The following DNAH6 variants were observed in gnomAD, a reference collection of about 807,000 sequenced individuals.
The protein encoded by DNAH6 is axonemal beta dynein heavy chain 6.
Under a neutral mutation model 491.4 loss-of-function variants are expected in DNAH6, and 340 were observed. The ratio of observed to expected loss-of-function variants is 0.69; its 90% CI spans 0.63 to 0.76. The LOEUF (loss-of-function observed/expected upper bound fraction) is 0.76. DNAH6 is among the 30% of genes least tolerant of loss of function. The pLI is 0.00. For synonymous variants in DNAH6, 1,603 were observed against 1,686.1 expected (o/e 0.95, Z 1.21); for missense variants, 4,443 against 4,972.2 (o/e 0.89, Z 3.20).
chr2:84,661,766 AT>A (rs1332251475), intron 37 of DNAH6, among the ~76,000 whole-genome samples: 1 of 151,758 alleles, frequency 6.6e-6, no homozygotes, highest in Non-Finnish European at 1.5e-5. Context: ...ATCCCAACAG[AT>A]TTTTTCCATG....
intron 37 of DNAH6, among the ~76,000 whole-genome samples, chr2:84,669,010 C>T (rs74920745): frequency 0.029 from 4,350 of 152,194 alleles, 225 homozygotes; most frequent in African/African-American, 0.099. Flanking sequence ...TTTGGCATGG[C>T]GTAAGCCCTG....
chr2:84,543,310 G>C (rs1678448013), intron 4 of DNAH6, among the ~76,000 whole-genome samples: 1 of 152,188 alleles, frequency 6.6e-6, no homozygotes, highest in African/African-American at 2.4e-5. Context: ...GTACATGTAA[G>C]TTTTGCATAG....
chr2:84,573,932 T>C (rs1682164032), intron 12 of DNAH6, among the ~76,000 whole-genome samples: 1 of 152,206 alleles, frequency 6.6e-6, no homozygotes, highest in Admixed American at 6.5e-5. Context: ...AAATAAAGTT[T>C]ACATAAGCTT....
chr2:84,548,226 T>C lies in DNAH6; in HGVS notation c.1187-62T>C, dbSNP rs1261264922. On this transcript the variant is annotated intron_variant, in intron 7 of 76. Coordinates refer to ENST00000389394, the MANE Select transcript of DNAH6 (RefSeq NM_001370.2). Reference sequence around the variant, plus strand: ...TTTTGTTTATCTTTTCTTTGAATCATATTGAAAGAGATGGAACTTTTACAC... The same window carrying C: ...TTTTGTTTATCTTTTCTTTGAATCACATTGAAAGAGATGGAACTTTTACAC... 13 of 1,481,900 alleles carry C rather than the reference T, an allele frequency of 8.8e-6. No individual in the cohort carries two copies. The East Asian group carries it at 1.6e-4, about 19-fold the overall frequency. 91.8% of individuals were successfully genotyped at this position (1,481,900 alleles called of 1,614,324 possible).
rs560521865 is a variant in DNAH6 at position 84,597,563 on chromosome 2, T to A, written c.2868+1774T>A. 5.6e-4 allele frequency among the ~76,000 whole-genome samples: 86 copies of A among 152,362 alleles called. 3 individuals carry two copies. In the South Asian group the frequency reaches 0.017, roughly 31 times the overall value. ...AAATAATCTGGCAGTTTGTTCAAGA[T>A]GTTAAATATAGACCTACCATATTAC... On this transcript the variant is annotated intron_variant, in intron 18 of 76. Transcript: ENST00000389394.
rs572481666 is a variant in DNAH6 at position 84,700,043 on chromosome 2, A to G, written c.7818+309A>G. Among the ~76,000 whole-genome samples the G allele has an allele frequency of 1.2e-4, 18 of 152,318 alleles. 1 individual carries two copies. The South Asian group carries it at 2.1e-3, about 18-fold the overall frequency. ...AAATCTGAGTCAGTGGTTATAGGCA[A>G]CACTTTTGAGTTTTGCCCCAAAGGA... On this transcript the variant is annotated intron_variant, in intron 48 of 76. Coordinates refer to ENST00000389394, the MANE Select transcript of DNAH6 (RefSeq NM_001370.2).
chr2:84,695,455 G>A (rs1453791777), intron 46 of DNAH6, among the ~76,000 whole-genome samples: 1 of 152,010 alleles, frequency 6.6e-6, no homozygotes, highest in African/African-American at 2.4e-5. Flanking sequence ...GCAATATGTA[G>A]GTAAAGCCTT....
chr2:84,646,847 A>AT lies in DNAH6; in HGVS notation c.5078+4800dup, dbSNP rs979841064. ...TTCTTATAGATTAGCAAAGAAAGTC[A>AT]TTTTTTTGTTTGTTTGCTTTGAGAT... On this transcript the variant is annotated intron_variant, in intron 33 of 76. Transcript: ENST00000389394. Among the ~76,000 whole-genome samples, 4 of 152,114 alleles carry AT rather than the reference A, an allele frequency of 2.6e-5. No homozygotes were observed. The East Asian group carries it at 7.7e-4, about 29-fold the overall frequency.
chr2:84,748,847 C>T (rs1673199268), intron 63 of DNAH6, among the ~76,000 whole-genome samples: 2 of 152,200 alleles, frequency 1.3e-5, no homozygotes, highest in Admixed American at 1.3e-4. Flanking sequence ...ATTGGGCTCA[C>T]AGTTCTGCAA....
chr2:84,709,460 C>G lies in DNAH6; in HGVS notation c.9166C>G (p.Leu3056Val). 1 of 1,551,668 alleles carries G rather than the reference C, an allele frequency of 6.4e-7. No individual in the cohort carries two copies. Among genetic ancestry groups the G allele is most frequent in the Non-Finnish European group, 8.7e-7 (1 of 1,147,018 alleles). Reference protein sequence around the residue: ...YEIRQWNTDGLPRDLISTENG... With the variant: ...YEIRQWNTDGVPRDLISTENG... ...GATACGGCAGTGGAACACTGATGGG[C>G]TGCCCCGTGACTTGATATCAACAGA... The change falls in exon 55 of 77, where the codon CTG becomes GTG. Residue 3056 changes from leucine to valine, a missense_variant. Coordinates refer to ENST00000389394, the MANE Select transcript of DNAH6 (RefSeq NM_001370.2).
At chr2:84,717,630 A>C (rs1217291777) in intron 58 of DNAH6, among the ~76,000 whole-genome samples, 1 of 152,216 alleles carries the variant, frequency 6.6e-6, no homozygotes, top group East Asian at 1.9e-4. Flanking sequence ...GGTGCATTGC[A>C]TAGAGTAGTA....
chr2:84,635,698 C>T (rs1024610371), intron 30 of DNAH6, among the ~76,000 whole-genome samples: 1 of 152,116 alleles, frequency 6.6e-6, no homozygotes, highest in Admixed American at 6.5e-5. Context: ...TAACCAGCCT[C>T]GTCCTGAAGC....
chr2:84,737,110 G>C (rs963141526), intron 62 of DNAH6, among the ~76,000 whole-genome samples: 5 of 151,990 alleles, frequency 3.3e-5, no homozygotes, highest in Non-Finnish European at 5.9e-5. Flanking sequence ...TTTTAGTCCT[G>C]TTTATGAGGT....
the DNAH6 span, among the ~76,000 whole-genome samples, chr2:84,509,144 A>T: frequency 6.6e-6 from 1 of 152,108 alleles, no homozygotes; most frequent in Non-Finnish European, 1.5e-5. Context: ...TGTCTCGTTC[A>T]TCTGTCTAAT....
chr2:84,664,233 A>G (rs953432251), intron 37 of DNAH6, among the ~76,000 whole-genome samples: 2 of 152,320 alleles, frequency 1.3e-5, no homozygotes, highest in South Asian at 2.1e-4. Flanking sequence ...GACAGGGTCA[A>G]ATTCACACAT....
At chr2:84,745,313 T>G in intron 63 of DNAH6, 64 bp downstream of exon 63, 2 of 1,183,996 alleles carry the variant, frequency 1.7e-6, no homozygotes. Context: ...CACTAGCCAG[T>G]TATGATTTAT....
chr2:84,685,272 A>C, intron 42 of DNAH6, 54 bp from the exon 43 acceptor site: 1 of 1,288,014 alleles, frequency 7.8e-7, no homozygotes, highest in Middle Eastern at 2.8e-4. Flanking sequence ...CTATTACTGG[A>C]GATTCTACAA....
intron 65 of DNAH6, 44 bp from the exon 66 acceptor site, chr2:84,784,678 C>A (rs1573801427): frequency 1.5e-6 from 2 of 1,293,578 alleles, no homozygotes; most frequent in Non-Finnish European, 2.2e-6. Flanking sequence ...CTACTACCAA[C>A]TAAACATTTT....
intron 33 of DNAH6, among the ~76,000 whole-genome samples, chr2:84,645,114 G>A (rs190701180): frequency 9.3e-5 from 14 of 151,300 alleles, no homozygotes; most frequent in Middle Eastern, 3.4e-3. Flanking sequence ...GTTTTTTTTC[G>A]ACTTTTTAGT....
Sources: allele counts gnomAD v4.1 joint callset (sites outside exome capture counted in the v4.1 genomes callset), GRCh38; gene constraint gnomAD v4.1.1; transcripts MANE v1.5; gene names NCBI Gene and HGNC (gene_info 2026-07-23, HGNC 2026-07-21).